PTPRD: variants seen among roughly 807,000 people sequenced by gnomAD.
PTPRD encodes protein tyrosine phosphatase receptor type D.
In PTPRD, 34 loss-of-function variants were observed where a neutral mutation model predicts 214.5. The observed-to-expected ratio is 0.16, with a 90% CI of 0.12 to 0.21. The LOEUF (loss-of-function observed/expected upper bound fraction) is 0.21, where lower values mean the gene tolerates loss of function less well. PTPRD is among the 10% of genes least tolerant of loss of function. The pLI, the probability that PTPRD is intolerant of heterozygous loss-of-function variation, is 1.00. For synonymous variants in PTPRD, 1,128 were observed against 845.7 expected, an observed-to-expected ratio of 1.33 and a Z score of -5.79; for missense variants, 2,545 against 2,398.7, an observed-to-expected ratio of 1.06 and a Z score of -1.27.
At chr9:8,373,250 G>C (rs10977014) in intron 39 of PTPRD, among the ~76,000 whole-genome samples, 46,883 of 151,766 alleles carry the variant, frequency 0.31, 9,885 homozygotes, top group African/African-American at 0.56. Flanking sequence ...AACTTGGCTT[G>C]TATTCAACTC....
intron 7 of PTPRD, among the ~76,000 whole-genome samples, chr9:9,631,765 C>T (rs766384837): frequency 3.9e-5 from 6 of 152,088 alleles, no homozygotes; most frequent in Non-Finnish European, 8.8e-5. Flanking sequence ...TAGTAGGGAG[C>T]GTTATCCTAC....
At chr9:9,788,650 A>G (rs1305057984) in intron 5 of PTPRD, among the ~76,000 whole-genome samples, 1 of 152,082 alleles carries the variant, frequency 6.6e-6, no homozygotes, top group Non-Finnish European at 1.5e-5. Context: ...AGTATATAAT[A>G]TTAATCTGAT....
intron 5 of PTPRD, among the ~76,000 whole-genome samples, chr9:9,862,801 G>A (rs1019618029): frequency 6.6e-6 from 1 of 152,046 alleles, no homozygotes; most frequent in African/African-American, 2.4e-5. Context: ...TTTAAGAAAA[G>A]TATCTACAAT....
At chr9:9,813,290 TGAA>T (rs1207986367) in intron 5 of PTPRD, among the ~76,000 whole-genome samples, 1 of 151,798 alleles carries the variant, frequency 6.6e-6, no homozygotes, top group African/African-American at 2.4e-5. Flanking sequence ...AAGAAAATAA[TGAA>T]GATTAGAGCA....
At chr9:9,415,006 T>A (rs1421596262) in intron 8 of PTPRD, among the ~76,000 whole-genome samples, 1 of 152,216 alleles carries the variant, frequency 6.6e-6, no homozygotes, top group Non-Finnish European at 1.5e-5. Flanking sequence ...AAACTCTTTA[T>A]AACTTTTAAC....
intron 5 of PTPRD, among the ~76,000 whole-genome samples, chr9:9,861,662 T>A (rs965765932): frequency 6.6e-6 from 1 of 152,232 alleles, no homozygotes; most frequent in Non-Finnish European, 1.5e-5. Context: ...GTATAATATT[T>A]TGTTTGTAGT....
chr9:9,534,905 G>C (rs2076211259), intron 8 of PTPRD, among the ~76,000 whole-genome samples: 1 of 151,904 alleles, frequency 6.6e-6, no homozygotes, highest in South Asian at 2.1e-4. Context: ...TTTATTCAGT[G>C]CGTATCTGCT....
intron 2 of PTPRD, among the ~76,000 whole-genome samples, chr9:10,492,228 A>T (rs1228223573): frequency 6.6e-6 from 1 of 152,216 alleles, no homozygotes; most frequent in Non-Finnish European, 1.5e-5. Flanking sequence ...GTATATACCC[A>T]GTAATGGGAT....
At chr9:10,309,042 T>G (rs139136941) in intron 3 of PTPRD, among the ~76,000 whole-genome samples, 1 of 152,086 alleles carries the variant, frequency 6.6e-6, no homozygotes, top group South Asian at 2.1e-4. Context: ...CAAATTTTTC[T>G]CAGTGTATTT....
chr9:9,992,400 C>T (rs2095971353), intron 4 of PTPRD, among the ~76,000 whole-genome samples: 1 of 152,174 alleles, frequency 6.6e-6, no homozygotes, highest in Non-Finnish European at 1.5e-5. Flanking sequence ...GGCGATTCCT[C>T]AAGGATCTAG....
intron 4 of PTPRD, among the ~76,000 whole-genome samples, chr9:9,997,926 G>A (rs905272423): frequency 6.6e-6 from 1 of 151,328 alleles, no homozygotes; most frequent in African/African-American, 2.4e-5. Context: ...AGGATGGGAG[G>A]GCCAGGTTTT....
At chr9:9,748,020 A>C (rs1334975750) in intron 6 of PTPRD, among the ~76,000 whole-genome samples, 1 of 152,132 alleles carries the variant, frequency 6.6e-6, no homozygotes, top group Non-Finnish European at 1.5e-5. Flanking sequence ...TGGAGATCAC[A>C]GCTCTTGGAA....
chr9:10,564,954 G>C (rs919894661), intron 2 of PTPRD, among the ~76,000 whole-genome samples: 3 of 151,880 alleles, frequency 2.0e-5, no homozygotes, highest in Admixed American at 2.0e-4. Flanking sequence ...GACTATATTA[G>C]GGCATGAAGT....
At chr9:8,763,055 T>C (rs1447752766) in intron 11 of PTPRD, among the ~76,000 whole-genome samples, 3 of 152,158 alleles carry the variant, frequency 2.0e-5, no homozygotes, top group Non-Finnish European at 4.4e-5. Context: ...GGCTCAGATA[T>C]AAACCCAGAT....
intron 3 of PTPRD, among the ~76,000 whole-genome samples, chr9:10,283,864 A>G (rs562546256): frequency 3.9e-5 from 6 of 152,278 alleles, no homozygotes; most frequent in African/African-American, 1.4e-4. Flanking sequence ...GAAACTGGTT[A>G]GGGTCAGTGT....
intron 32 of PTPRD, among the ~76,000 whole-genome samples, chr9:8,462,360 C>T (rs1393887798): frequency 2.6e-5 from 4 of 151,968 alleles, no homozygotes; most frequent in Non-Finnish European, 5.9e-5. Context: ...TAGGCCCTTA[C>T]TTATGTGCTC....
intron 12 of PTPRD, among the ~76,000 whole-genome samples, chr9:8,642,731 C>T (rs1254918058): frequency 6.6e-6 from 1 of 152,100 alleles, no homozygotes; most frequent in African/African-American, 2.4e-5. Context: ...CTTTACATTC[C>T]CTTCCAGCCA....
intron 11 of PTPRD, among the ~76,000 whole-genome samples, chr9:9,004,279 G>A (rs57968380): frequency 0.1 from 15,343 of 151,912 alleles, 890 homozygotes; most frequent in East Asian, 0.21. Flanking sequence ...AAAAAGATTT[G>A]AAATATCTCC....
intron 5 of PTPRD, among the ~76,000 whole-genome samples, chr9:9,929,496 C>T (rs1029196636): frequency 6.6e-6 from 1 of 152,152 alleles, no homozygotes; most frequent in Non-Finnish European, 1.5e-5. Context: ...TGGGTTCAAA[C>T]GATTCTTCTG....
Sources: gnomAD v4.1 joint callset for allele counts (sites outside exome capture counted in the v4.1 genomes callset) on GRCh38, gnomAD v4.1.1 for gene constraint, MANE v1.5 for transcripts, NCBI Gene and HGNC (gene_info 2026-07-23, HGNC 2026-07-21) for gene names.